FBXO34: variants seen among roughly 807,000 people sequenced by gnomAD.
FBXO34 encodes the protein F-box protein 34.
Under a neutral mutation model 24.5 loss-of-function variants are expected in FBXO34, and 12 were observed. That is an observed-to-expected ratio of 0.49 (90% CI 0.31 to 0.79). FBXO34 has a LOEUF of 0.79. Among genes scored for constraint, FBXO34 ranks in the 30% least tolerant of loss-of-function variants. FBXO34 has a pLI of 0.04. For synonymous variants in FBXO34, 320 were observed against 311.9 expected (o/e 1.03, Z -0.27); for missense variants, 823 against 857.7 (o/e 0.96, Z 0.51).
At chr14:55,361,145 C>T (rs893809994) in intron 3 of FBXO34, among the ~76,000 whole-genome samples, 6 of 152,194 alleles carry the variant, frequency 3.9e-5, no homozygotes, top group African/African-American at 1.4e-4. Context: ...GCAGCTGTAG[C>T]GTTACAAAAT....
chr14:55,276,832 T>G (rs1881362213), intron 1 of FBXO34, among the ~76,000 whole-genome samples: 1 of 152,198 alleles, frequency 6.6e-6, no homozygotes, highest in South Asian at 2.1e-4. Context: ...CACAGTATCT[T>G]ATCAGTTAAT....
chr14:55,397,276 G>C, the FBXO34 span: 4 of 1,055,326 alleles, frequency 3.8e-6, no homozygotes, highest in South Asian at 2.7e-5. Flanking sequence ...AATTCAGTAA[G>C]TTAGCAATCC....
At chr14:55,416,814 C>CA in the FBXO34 span, among the ~76,000 whole-genome samples, 1 of 152,200 alleles carries the variant, frequency 6.6e-6, no homozygotes, top group Admixed American at 6.5e-5. Context: ...GCCCCTCTCC[C>CA]AAAATCCCCA....
chr14:55,387,041 C>A, the FBXO34 span, among the ~76,000 whole-genome samples: 1 of 152,068 alleles, frequency 6.6e-6, no homozygotes, highest in Admixed American at 6.5e-5. Context: ...CCTTTCTTTT[C>A]ATTCCTACTA....
At chr14:55,280,985 GA>G (rs1308839736) in intron 1 of FBXO34, among the ~76,000 whole-genome samples, 3 of 151,952 alleles carry the variant, frequency 2.0e-5, no homozygotes, top group East Asian at 1.9e-4. Flanking sequence ...AGAAACAGGT[GA>G]AAAATATTTA....
At chr14:55,430,398 TAAAA>T in the FBXO34 span, among the ~76,000 whole-genome samples, 8,555 of 119,776 alleles carry the variant, frequency 0.071, 320 homozygotes, top group Non-Finnish European at 0.086. Flanking sequence ...TCACCCACTT[TAAAA>T]AAAAAAAAAA....
the FBXO34 span, among the ~76,000 whole-genome samples, chr14:55,391,776 C>T: frequency 1.3e-5 from 2 of 152,190 alleles, no homozygotes; most frequent in Non-Finnish European, 2.9e-5. Flanking sequence ...TGACGTGCAG[C>T]TCCAAACCTC....
chr14:55,333,801 T>C (rs1191787978), intron 1 of FBXO34, among the ~76,000 whole-genome samples: 1 of 151,916 alleles, frequency 6.6e-6, no homozygotes, highest in Non-Finnish European at 1.5e-5. Context: ...GGGGAGACTT[T>C]ATAGTGTTTC....
chr14:55,381,023 G>A, the FBXO34 span, among the ~76,000 whole-genome samples: 1 of 151,796 alleles, frequency 6.6e-6, no homozygotes, highest in Non-Finnish European at 1.5e-5. Flanking sequence ...CACCTCTCCA[G>A]AGAGGGCTCT....
At position 55,350,566 on chromosome 14, in the gene FBXO34, G is replaced by A. The variant is rs751315141; in HGVS notation, c.176G>A (p.Arg59Gln). ...GCCTCTCTCGGTAAAGCATCATCTC[G>A]AAAGCCATTTGGGATCCTTTCTCCA... The part of the protein sequence containing the change: ...PSASLGKASS[R>Q]KPFGILSPNV... Residue 59 changes from arginine (R) to glutamine (Q), a missense_variant, in exon 2 of 2, where the codon CGA becomes CAA. By Grantham distance (43) the Arg-to-Gln change is conservative. Transcript: ENST00000313833. The A allele has an allele frequency of 3.1e-5, 50 of 1,612,936 alleles. No homozygotes were observed. Among genetic ancestry groups the A allele is most frequent in the East Asian group, 4.5e-5 (2 of 44,880 alleles).
intron 1 of FBXO34, among the ~76,000 whole-genome samples, chr14:55,283,984 G>C (rs1594724622): frequency 6.6e-6 from 1 of 151,140 alleles, no homozygotes; most frequent in African/African-American, 2.5e-5. Flanking sequence ...GTCTGTGTGT[G>C]TGTGTATGTG....
At chr14:55,345,477 G>A (rs1884128575) in intron 1 of FBXO34, among the ~76,000 whole-genome samples, 1 of 152,172 alleles carries the variant, frequency 6.6e-6, no homozygotes, top group African/African-American at 2.4e-5. Context: ...TCTCTGACCT[G>A]TTCCTATACC....
the FBXO34 span, among the ~76,000 whole-genome samples, chr14:55,441,586 TC>T: frequency 6.6e-6 from 1 of 152,194 alleles, no homozygotes; most frequent in Non-Finnish European, 1.5e-5. Context: ...CACTGAGCGT[TC>T]CGTCTAAAGC....
intron 1 of FBXO34, among the ~76,000 whole-genome samples, chr14:55,319,562 A>G (rs1044053340): frequency 2.0e-5 from 3 of 152,104 alleles, no homozygotes; most frequent in African/African-American, 7.2e-5. Context: ...ATTTTTGGTG[A>G]TAACCCTGGG....
At chr14:55,400,645 G>A in the FBXO34 span, among the ~76,000 whole-genome samples, 1 of 152,170 alleles carries the variant, frequency 6.6e-6, no homozygotes, top group Non-Finnish European at 1.5e-5. Flanking sequence ...GCTCACACCT[G>A]TAATCGCAGC....
At chr14:55,433,835 G>A in the FBXO34 span, 2 of 851,958 alleles carry the variant, frequency 2.3e-6, no homozygotes, top group Non-Finnish European at 3.6e-6. Flanking sequence ...AAAACTAAAT[G>A]TCTGGGTCTT....
the FBXO34 span, among the ~76,000 whole-genome samples, chr14:55,426,650 G>A: frequency 6.6e-6 from 1 of 151,976 alleles, no homozygotes; most frequent in Admixed American, 6.6e-5. Flanking sequence ...GGATGAGGGG[G>A]AGGCAAGAAT....
At chr14:55,440,536 CAGAGG>C in the FBXO34 span, 1 of 1,604,380 alleles carries the variant, frequency 6.2e-7, no homozygotes, top group Non-Finnish European at 8.5e-7. Context: ...GGCCAGGGCG[CAGAGG>C]CCATTTATGA....
chr14:55,333,920 AT>A (rs1883684334), intron 1 of FBXO34, among the ~76,000 whole-genome samples: 1 of 152,002 alleles, frequency 6.6e-6, no homozygotes, highest in Non-Finnish European at 1.5e-5. Context: ...GCGTGTCTAG[AT>A]TGTTCCGTCC....
Sources: allele counts gnomAD v4.1 joint callset (sites outside exome capture counted in the v4.1 genomes callset), GRCh38; gene constraint gnomAD v4.1.1; transcripts MANE v1.5; gene names NCBI Gene and HGNC (gene_info 2026-07-23, HGNC 2026-07-21).